The following KIAA1217 variants were observed in gnomAD, a reference collection of about 807,000 sequenced individuals.
The protein encoded by KIAA1217 is KIAA1217, also known as sickle tail protein homolog.
Under a neutral mutation model 163.9 loss-of-function variants are expected in KIAA1217, and 88 were observed. That is an observed-to-expected ratio of 0.54 (90% CI 0.45 to 0.64). KIAA1217 has a LOEUF of 0.64. Ranked by LOEUF, KIAA1217 falls within the 30% of genes least tolerant of loss-of-function variation. KIAA1217 has a pLI of 0.00. For synonymous variants in KIAA1217, 903 were observed against 923.1 expected (o/e 0.98, Z 0.39); for missense variants, 2,372 against 2,475.0 (o/e 0.96, Z 0.88).
At chr10:24,073,069 A>T (rs544943419) in intron 2 of KIAA1217, among the ~76,000 whole-genome samples, 132 of 152,042 alleles carry the variant, frequency 8.7e-4, no homozygotes, top group African/African-American at 3.1e-3. Context: ...GAAAAAAAAA[A>T]AAAAGAAAGA....
intron 1 of KIAA1217, among the ~76,000 whole-genome samples, chr10:23,723,640 A>C (rs1837981319): frequency 6.6e-6 from 1 of 152,180 alleles, no homozygotes; most frequent in South Asian, 2.1e-4. Context: ...CATGTTACAT[A>C]AAAGAGTATA....
intron 1 of KIAA1217, among the ~76,000 whole-genome samples, chr10:23,986,442 C>A (rs1845973576): frequency 6.6e-6 from 1 of 152,192 alleles, no homozygotes; most frequent in African/African-American, 2.4e-5. Flanking sequence ...TTGCATATAA[C>A]CTATGCATGT....
intron 1 of KIAA1217, among the ~76,000 whole-genome samples, chr10:23,758,286 T>A (rs1459112422): frequency 1.3e-5 from 2 of 152,242 alleles, no homozygotes; most frequent in Non-Finnish European, 2.9e-5. Context: ...ATATCAAAAT[T>A]TCCCAGCACC....
intron 2 of KIAA1217, among the ~76,000 whole-genome samples, chr10:24,033,709 T>C (rs1848281786): frequency 6.6e-6 from 1 of 152,208 alleles, no homozygotes; most frequent in South Asian, 2.1e-4. Context: ...GGAATCAGAA[T>C]ACTATGCATA....
At chr10:23,877,924 C>T (rs1451522130) in intron 1 of KIAA1217, among the ~76,000 whole-genome samples, 4 of 151,964 alleles carry the variant, frequency 2.6e-5, no homozygotes, top group Admixed American at 2.6e-4. Flanking sequence ...TGGTTTTCCA[C>T]TCTTTCTTGT....
chr10:24,533,323 A>G, intron 16 of KIAA1217, 86 bp downstream of exon 16: 2 of 1,354,936 alleles, frequency 1.5e-6, no homozygotes, highest in Non-Finnish European at 2.0e-6. Flanking sequence ...GTTAGCGAGA[A>G]GGCCAGGGAA....
intron 1 of KIAA1217, among the ~76,000 whole-genome samples, chr10:23,708,623 T>C (rs1837039063): frequency 6.6e-6 from 1 of 152,166 alleles, no homozygotes; most frequent in Non-Finnish European, 1.5e-5. Flanking sequence ...GAGGCAGTCC[T>C]TGCGGAAGGC....
chr10:24,170,787 T>C (rs1056617329), intron 2 of KIAA1217, among the ~76,000 whole-genome samples: 2 of 152,148 alleles, frequency 1.3e-5, no homozygotes, highest in African/African-American at 4.8e-5. Flanking sequence ...TCTACATGGA[T>C]TGAAATTTAG....
chr10:23,987,103 C>A (rs1449310337), intron 1 of KIAA1217, among the ~76,000 whole-genome samples: 2 of 152,020 alleles, frequency 1.3e-5, no homozygotes, highest in Admixed American at 1.3e-4. Context: ...AAGGGCCAGG[C>A]GTGGTGGCTC....
At chr10:24,068,202 G>C (rs1412988953) in intron 2 of KIAA1217, among the ~76,000 whole-genome samples, 1 of 152,202 alleles carries the variant, frequency 6.6e-6, no homozygotes, top group Non-Finnish European at 1.5e-5. Context: ...ACCTCTGTTG[G>C]AAATGCAGAA....
At chr10:24,209,114 C>T (rs2067745563), upstream of KIAA1217, 3 of 1,327,806 alleles carry the variant, frequency 2.3e-6, no homozygotes, top group African/African-American at 2.9e-5. Flanking sequence ...CGGGCCCCCT[C>T]CCAGGCGCTT....
intron 1 of KIAA1217, among the ~76,000 whole-genome samples, chr10:23,713,762 G>C (rs1837400846): frequency 6.6e-6 from 1 of 152,122 alleles, no homozygotes; most frequent in African/African-American, 2.4e-5. Context: ...TAATTCTGGA[G>C]TTGAAGACAT....
At chr10:24,368,876 TA>T in intron 2 of KIAA1217, 6 of 983,200 alleles carry the variant, frequency 6.1e-6, no homozygotes, top group Non-Finnish European at 7.2e-6. Context: ...GCATCTTTTA[TA>T]ATTTACCAAT....
intron 1 of KIAA1217, among the ~76,000 whole-genome samples, chr10:23,895,906 A>G (rs948577147): frequency 2.7e-5 from 4 of 148,524 alleles, no homozygotes; most frequent in Admixed American, 6.8e-5. Flanking sequence ...AAAACCAAAC[A>G]CCGCATATTC....
At chr10:23,953,524 A>G (rs897974502) in intron 1 of KIAA1217, among the ~76,000 whole-genome samples, 1 of 152,238 alleles carries the variant, frequency 6.6e-6, no homozygotes, top group African/African-American at 2.4e-5. Context: ...AACTACCAAG[A>G]TATGGGTAGT....
chr10:24,137,390 A>G (rs1246698761), intron 2 of KIAA1217, among the ~76,000 whole-genome samples: 2 of 152,214 alleles, frequency 1.3e-5, no homozygotes, highest in East Asian at 3.9e-4. Flanking sequence ...CTAGGCCCCC[A>G]GGAGATTGCT....
At chr10:24,418,791 C>T (rs906434780) in intron 3 of KIAA1217, among the ~76,000 whole-genome samples, 4 of 151,836 alleles carry the variant, frequency 2.6e-5, no homozygotes, top group Non-Finnish European at 5.9e-5. Flanking sequence ...TGAAAACATG[C>T]ACTGGAAACT....
intron 1 of KIAA1217, among the ~76,000 whole-genome samples, chr10:23,783,916 C>T (rs1180581934): frequency 6.6e-6 from 1 of 151,780 alleles, no homozygotes; most frequent in Non-Finnish European, 1.5e-5. Flanking sequence ...TGTCTCTCCC[C>T]TTCATTTGTG....
intron 1 of KIAA1217, among the ~76,000 whole-genome samples, chr10:23,853,758 G>C (rs1053755906): frequency 2.0e-5 from 3 of 152,056 alleles, no homozygotes; most frequent in Non-Finnish European, 2.9e-5. Context: ...TGTGTGTGTC[G>C]AGGAATTTAT....
Sources: gnomAD v4.1 joint callset for allele counts (sites outside exome capture counted in the v4.1 genomes callset) on GRCh38, gnomAD v4.1.1 for gene constraint, MANE v1.5 for transcripts, NCBI Gene and HGNC (gene_info 2026-07-23, HGNC 2026-07-21) for gene names.